Variants in TFCP2 observed in about 807,000 individuals in gnomAD.
TFCP2 encodes transcription factor CP2, also known as alpha-globin transcription factor CP2.
In TFCP2, 33 loss-of-function variants were observed where a neutral mutation model predicts 73.4. That is an observed-to-expected ratio of 0.45 (90% confidence interval 0.34 to 0.60). The LOEUF (loss-of-function observed/expected upper bound fraction) is 0.60, where lower values mean the gene tolerates loss of function less well. Ranked by LOEUF, TFCP2 falls within the 20% of genes least tolerant of loss-of-function variation. The pLI is 0.01. For missense variants in TFCP2, 352 were observed against 604.0 expected (o/e 0.58, Z 4.37); for synonymous variants, 193 against 211.6 (o/e 0.91, Z 0.76).
chr12:51,139,677 C>A (rs553822047), intron 1 of TFCP2, among the ~76,000 whole-genome samples: 18 of 152,300 alleles, frequency 1.2e-4, no homozygotes, highest in Non-Finnish European at 2.1e-4. Context: ...TGCACCTGGC[C>A]TCTTTGACTT....
intron 1 of TFCP2, among the ~76,000 whole-genome samples, chr12:51,119,834 C>T (rs1940616515): frequency 6.6e-6 from 1 of 151,840 alleles, no homozygotes; most frequent in Admixed American, 6.6e-5. Flanking sequence ...GGTACTTATC[C>T]AAGAAAAATG....
At chr12:51,159,699 G>A (rs1941610439) in intron 1 of TFCP2, among the ~76,000 whole-genome samples, 1 of 152,100 alleles carries the variant, frequency 6.6e-6, no homozygotes, top group Middle Eastern at 3.2e-3. Context: ...TGTTGCCCAG[G>A]CTGGCCTCAA....
chr12:51,116,854 C>T (rs539973172), intron 3 of TFCP2, among the ~76,000 whole-genome samples: 32 of 152,220 alleles, frequency 2.1e-4, no homozygotes, highest in African/African-American at 7.2e-4. Flanking sequence ...CAACCTCAGG[C>T]GACCCGCCCG....
At chr12:51,125,867 A>T (rs10876141) in intron 1 of TFCP2, among the ~76,000 whole-genome samples, 1 of 151,954 alleles carries the variant, frequency 6.6e-6, no homozygotes, top group East Asian at 1.9e-4. Flanking sequence ...GGAGGCTAAG[A>T]TGGGCGGATC....
At chr12:51,122,248 CTTTTCTT>C (rs1225117908) in intron 1 of TFCP2, among the ~76,000 whole-genome samples, 2 of 121,190 alleles carry the variant, frequency 1.7e-5, no homozygotes, top group Non-Finnish European at 1.8e-5. Flanking sequence ...TATTTTTTTT[CTTTTCTT>C]TTTTTTTTTT....
At chr12:51,169,990 A>G (rs1941827408) in intron 1 of TFCP2, among the ~76,000 whole-genome samples, 1 of 152,220 alleles carries the variant, frequency 6.6e-6, no homozygotes, top group African/African-American at 2.4e-5. Flanking sequence ...CTATTTTTAT[A>G]ATGAGTACAG....
chr12:51,111,803 GGA>G (rs542633957), intron 4 of TFCP2, among the ~76,000 whole-genome samples: 54 of 150,302 alleles, frequency 3.6e-4, no homozygotes, highest in Non-Finnish European at 6.8e-4. Context: ...GCAGTGAGCC[GGA>G]GATCGAGCCA....
At position 51,120,545 on chromosome 12, in the gene TFCP2, G is replaced by GT. The variant is rs139106113; in HGVS notation, c.123-1774dup. Among the ~76,000 whole-genome samples, 895 of 152,094 alleles carry GT rather than the reference G, an allele frequency of 5.9e-3. 5 individuals are homozygous for GT. Among genetic ancestry groups the GT allele is most frequent in the African/African-American group, 0.019 (785 of 41,476 alleles). On this transcript the variant is annotated intron_variant, in intron 1 of 14. Transcript: ENST00000257915. ...ATAGGTCTGCTACGTGGTTGTAACT[G>GT]TAACAGCTTATTTTTGCATCTCATT... is the stretch of plus-strand genomic sequence containing the variant.
chr12:51,128,594 T>C (rs1032872497), intron 1 of TFCP2, among the ~76,000 whole-genome samples: 6 of 152,056 alleles, frequency 3.9e-5, no homozygotes, highest in East Asian at 1.9e-4. Context: ...GGCATAAATA[T>C]AGTATCTGGA....
chr12:51,169,109 G>GT (rs1941810160), intron 1 of TFCP2, among the ~76,000 whole-genome samples: 1 of 151,998 alleles, frequency 6.6e-6, no homozygotes, highest in Admixed American at 6.6e-5. Flanking sequence ...GTCCCCAAGT[G>GT]TATTTTTAAT....
chr12:51,156,650 T>C (rs1179194838), intron 1 of TFCP2, among the ~76,000 whole-genome samples: 1 of 152,248 alleles, frequency 6.6e-6, no homozygotes. Context: ...CTTCTTGAAA[T>C]GTTGATAGAA....
At chr12:51,134,135 C>T (rs1042604256) in intron 1 of TFCP2, among the ~76,000 whole-genome samples, 2 of 152,024 alleles carry the variant, frequency 1.3e-5, no homozygotes, top group Non-Finnish European at 2.9e-5. Context: ...GTCACATGTT[C>T]TTTAGTTTTG....
intron 1 of TFCP2, among the ~76,000 whole-genome samples, chr12:51,132,355 G>GTTTTTTTTTTT (rs1276335598): frequency 4.7e-4 from 10 of 21,462 alleles, no homozygotes; most frequent in South Asian, 1.7e-3. Flanking sequence ...TTAGGGATTA[G>GTTTTTTTTTTT]TCTTTTTTTT....
At chr12:51,155,441 T>G (rs768215301) in intron 1 of TFCP2, among the ~76,000 whole-genome samples, 1 of 152,232 alleles carries the variant, frequency 6.6e-6, no homozygotes, top group Non-Finnish European at 1.5e-5. Context: ...GTAATTTTAT[T>G]TTTAATTTTT....
At chr12:51,137,813 A>AGTTTT (rs1416306805) in intron 1 of TFCP2, among the ~76,000 whole-genome samples, 1 of 152,156 alleles carries the variant, frequency 6.6e-6, no homozygotes, top group East Asian at 1.9e-4. Flanking sequence ...AAACACCAAC[A>AGTTTT]GTTTTGTTTT....
intron 1 of TFCP2, among the ~76,000 whole-genome samples, chr12:51,139,077 T>C (rs1302409458): frequency 1.3e-5 from 2 of 152,096 alleles, no homozygotes; most frequent in Non-Finnish European, 2.9e-5. Context: ...AGAGAGTAAA[T>C]TTGTATTTCT....
intron 1 of TFCP2, among the ~76,000 whole-genome samples, chr12:51,136,639 T>C (rs1047464066): frequency 2.6e-4 from 2 of 7,782 alleles, no homozygotes; most frequent in African/African-American, 3.9e-4. Context: ...GAGCAGTAGA[T>C]AAAAACTACA....
chr12:51,148,130 A>C (rs1941337831), intron 1 of TFCP2, among the ~76,000 whole-genome samples: 1 of 152,220 alleles, frequency 6.6e-6, no homozygotes, highest in African/African-American at 2.4e-5. Flanking sequence ...AAAAATTAAA[A>C]AAAAATAGAT....
intron 1 of TFCP2, among the ~76,000 whole-genome samples, chr12:51,125,834 A>G (rs1592809183): frequency 6.6e-6 from 1 of 152,112 alleles, no homozygotes; most frequent in South Asian, 2.1e-4. Flanking sequence ...GTGGTGGCTC[A>G]TGCCTGTAAT....
Sources: gnomAD v4.1 joint callset for allele counts (sites outside exome capture counted in the v4.1 genomes callset) on GRCh38, gnomAD v4.1.1 for gene constraint, MANE v1.5 for transcripts, NCBI Gene and HGNC (gene_info 2026-07-23, HGNC 2026-07-21) for gene names.